EGFLAM: variants seen among roughly 807,000 people sequenced by gnomAD.
EGFLAM encodes EGF like, fibronectin type III and laminin G domains.
A neutral mutation model predicts 113.1 loss-of-function variants in EGFLAM; 79 were observed. The ratio of observed to expected loss-of-function variants is 0.70; its 90% CI spans 0.58 to 0.84. The LOEUF (loss-of-function observed/expected upper bound fraction) is 0.84. Among genes scored for constraint, EGFLAM ranks in the 40% least tolerant of loss-of-function variants. EGFLAM has a pLI of 0.00. For synonymous variants in EGFLAM, 504 were observed against 487.6 expected (o/e 1.03, Z -0.44); for missense variants, 1,265 against 1,291.6 (o/e 0.98, Z 0.32).
intron 6 of EGFLAM, among the ~76,000 whole-genome samples, chr5:38,380,268 T>C (rs1431762463): frequency 1.3e-5 from 2 of 152,218 alleles, no homozygotes; most frequent in Non-Finnish European, 2.9e-5. Context: ...GTAAATCCCC[T>C]TTTAGATAGC....
intron 7 of EGFLAM, among the ~76,000 whole-genome samples, 170 bp downstream of exon 7, chr5:38,406,411 T>C (rs1741286223): frequency 6.6e-6 from 1 of 152,182 alleles, no homozygotes; most frequent in African/African-American, 2.4e-5. Flanking sequence ...GATAAATCAG[T>C]AGTAGGGAAG....
intron 6 of EGFLAM, among the ~76,000 whole-genome samples, chr5:38,385,230 C>T (rs1740624363): frequency 6.7e-6 from 1 of 150,312 alleles, no homozygotes; most frequent in South Asian, 2.1e-4. Flanking sequence ...CATAAACAGT[C>T]ATTTCTCTGT....
chr5:38,338,466 C>T (rs1285689900), intron 2 of EGFLAM, among the ~76,000 whole-genome samples: 2 of 152,184 alleles, frequency 1.3e-5, no homozygotes, highest in Non-Finnish European at 2.9e-5. Flanking sequence ...ATGTGCAGAC[C>T]TCTGCATTTC....
At chr5:38,356,748 A>G (rs2112000056) in intron 5 of EGFLAM, among the ~76,000 whole-genome samples, 1 of 152,260 alleles carries the variant, frequency 6.6e-6, no homozygotes, top group African/African-American at 2.4e-5. Context: ...TGGCTGCAAA[A>G]TCAATCCATT....
intron 6 of EGFLAM, among the ~76,000 whole-genome samples, chr5:38,394,096 C>T (rs2112093884): frequency 6.6e-6 from 1 of 152,066 alleles, no homozygotes; most frequent in East Asian, 2.0e-4. Context: ...TATTTGTAGT[C>T]TCCAGCACTC....
chr5:38,443,141 C>T (rs1275321859), intron 17 of EGFLAM, among the ~76,000 whole-genome samples: 1 of 152,146 alleles, frequency 6.6e-6, no homozygotes, highest in African/African-American at 2.4e-5. Flanking sequence ...TGGTGCATGC[C>T]TGTAATCCCA....
At chr5:38,364,547 A>G (rs987374535) in intron 5 of EGFLAM, among the ~76,000 whole-genome samples, 1 of 152,178 alleles carries the variant, frequency 6.6e-6, no homozygotes, top group African/African-American at 2.4e-5. Flanking sequence ...CACCAAAAAA[A>G]GGCCTTATAA....
intron 3 of EGFLAM, among the ~76,000 whole-genome samples, chr5:38,349,000 T>A (rs1345757906): frequency 2.0e-5 from 3 of 152,190 alleles, no homozygotes. Context: ...GTCGTTTAGA[T>A]CACCGAGTGA....
chr5:38,400,073 A>G (rs1362554623), intron 6 of EGFLAM: 1 of 152,220 alleles, frequency 6.6e-6, no homozygotes, highest in Non-Finnish European at 1.5e-5. Flanking sequence ...AAGGTCATCA[A>G]GTCTAATCCT....
At chr5:38,445,492 A>C in intron 17 of EGFLAM, 1 of 1,475,048 alleles carries the variant, frequency 6.8e-7, no homozygotes, top group Non-Finnish European at 9.0e-7. Context: ...TGCTGAGGAG[A>C]GATTTCCAGT....
intron 11 of EGFLAM, among the ~76,000 whole-genome samples, chr5:38,414,090 C>T (rs1259808467): frequency 6.6e-6 from 1 of 152,144 alleles, no homozygotes; most frequent in Non-Finnish European, 1.5e-5. Flanking sequence ...GGGTTGGGGA[C>T]CCCTGATATA....
rs1472266782 is a variant in EGFLAM at position 38,438,455 on chromosome 5, G to T, written c.2464G>T (p.Ala822Ser). 1 of 1,605,272 alleles carries T rather than the reference G, an allele frequency of 6.2e-7. No homozygotes were observed. The highest frequency in any genetic ancestry group is 1.1e-5 in the South Asian group (1 of 89,736). ...CTTTGAGGGGCTTCACTGCCAGAAA[G>T]GTACGCTCAGGGGTCTGAGGCACAG... ...LGFEGLHCQKAIIEAIEIPQF... is the reference protein window; with the variant it reads ...LGFEGLHCQKSIIEAIEIPQF... Residue 822 changes from alanine (A) to serine (S), a missense_variant and splice_region_variant, in exon 17 of 22, where the codon GCG becomes TCG. Coordinates refer to ENST00000322350, the MANE Select transcript of EGFLAM (RefSeq NM_152403.4).
intron 13 of EGFLAM, among the ~76,000 whole-genome samples, chr5:38,425,329 G>C (rs1317500792): frequency 6.6e-6 from 1 of 151,972 alleles, no homozygotes; most frequent in African/African-American, 2.4e-5. Context: ...CAGGCGCCCA[G>C]CTAATTTTTG....
At chr5:38,314,797 G>A (rs533130130) in intron 1 of EGFLAM, among the ~76,000 whole-genome samples, 37 of 152,322 alleles carry the variant, frequency 2.4e-4, no homozygotes, top group Non-Finnish European at 2.4e-4. Context: ...TGAAAGGTGA[G>A]TGGTAGTCAC....
chr5:38,351,092 G>A (rs1242820481), intron 4 of EGFLAM, among the ~76,000 whole-genome samples: 3 of 151,538 alleles, frequency 2.0e-5, no homozygotes, highest in Non-Finnish European at 4.4e-5. Flanking sequence ...AATGACAAAT[G>A]AGTGACAGCA....
intron 1 of EGFLAM, among the ~76,000 whole-genome samples, chr5:38,283,044 G>A (rs1308190540): frequency 1.3e-5 from 2 of 152,128 alleles, no homozygotes; most frequent in African/African-American, 2.4e-5. Flanking sequence ...TAGTAGAGAC[G>A]AGGTCTCATT....
In EGFLAM at chr5:38,333,503, G is replaced by A. The variant is rs10064899; in HGVS notation, c.98-4017G>A. Among the ~76,000 whole-genome samples, 1,086 of 152,282 alleles carry A rather than the reference G, an allele frequency of 7.1e-3. 15 individuals are homozygous for A. Among genetic ancestry groups the A allele is most frequent in the African/African-American group, 0.025 (1,037 of 41,550 alleles). The stretch of plus-strand genomic sequence containing the variant: ...TTTAATAATAGCCATTCTGACTGGT[G>A]TGAGACGGTATCTCATTATGGTTTT... On this transcript the variant is annotated intron_variant, in intron 1 of 21. Coordinates refer to ENST00000322350, the MANE Select transcript of EGFLAM (RefSeq NM_152403.4).
At chr5:38,444,567 T>A (rs1173852161) in intron 17 of EGFLAM, among the ~76,000 whole-genome samples, 1 of 152,216 alleles carries the variant, frequency 6.6e-6, no homozygotes, top group African/African-American at 2.4e-5. Flanking sequence ...ATGTACCCCA[T>A]AAATATGTAA....
chr5:38,316,983 T>C (rs572675126), intron 1 of EGFLAM, among the ~76,000 whole-genome samples: 199 of 152,306 alleles, frequency 1.3e-3, no homozygotes, highest in African/African-American at 4.5e-3. Flanking sequence ...GTAGTCTGCT[T>C]GCTTCCGGCA....
Sources: allele counts gnomAD v4.1 joint callset (sites outside exome capture counted in the v4.1 genomes callset), GRCh38; gene constraint gnomAD v4.1.1; transcripts MANE v1.5; gene names NCBI Gene and HGNC (gene_info 2026-07-23, HGNC 2026-07-21).